Variants in APAF1 observed in about 807,000 individuals in gnomAD.
APAF1 encodes the protein apoptotic peptidase activating factor 1, also known as apoptotic protease-activating factor 1.
In APAF1, 91 loss-of-function variants were observed where a neutral mutation model predicts 152.4. The ratio of observed to expected loss-of-function variants is 0.60; its 90% CI spans 0.50 to 0.71. The LOEUF is 0.71. APAF1 is among the 30% of genes least tolerant of loss of function. The pLI, the probability that APAF1 is intolerant of heterozygous loss-of-function variation, is 0.00. For missense variants in APAF1, 1,283 were observed against 1,472.0 expected, an observed-to-expected ratio of 0.87 and a Z score of 2.10; for synonymous variants, 484 against 494.1, an observed-to-expected ratio of 0.98 and a Z score of 0.27.
intron 4 of APAF1, among the ~76,000 whole-genome samples, chr12:98,653,691 AATATATATATATAT>A (rs1346621120): frequency 9.3e-4 from 14 of 15,102 alleles, no homozygotes; most frequent in Admixed American, 3.2e-3. Context: ...AAAAAAAAAA[AATATATATATATAT>A]ATATATATAT....
intron 16 of APAF1, among the ~76,000 whole-genome samples, chr12:98,693,423 G>A (rs1033356960): frequency 6.6e-6 from 1 of 152,116 alleles, no homozygotes; most frequent in African/African-American, 2.4e-5. Context: ...ATTTTGATTA[G>A]AACAGTGTTC....
intron 22 of APAF1, among the ~76,000 whole-genome samples, chr12:98,722,906 T>G (rs2097744998): frequency 7.3e-6 from 1 of 137,170 alleles, no homozygotes; most frequent in Non-Finnish European, 1.5e-5. Context: ...ATATTGTGTG[T>G]TTTTTTTTTT....
intron 16 of APAF1, among the ~76,000 whole-genome samples, chr12:98,698,742 G>T (rs937581323): frequency 2.6e-5 from 4 of 152,174 alleles, no homozygotes; most frequent in African/African-American, 9.7e-5. Context: ...ACTCTGTGAG[G>T]CTGAGACACT....
intron 21 of APAF1, among the ~76,000 whole-genome samples, chr12:98,713,124 T>C (rs1175996454): frequency 1.3e-5 from 2 of 152,238 alleles, no homozygotes; most frequent in Admixed American, 6.5e-5. Context: ...CAGCCTATTG[T>C]ACACTTTTAT....
intron 4 of APAF1, among the ~76,000 whole-genome samples, chr12:98,654,977 C>T (rs2097654727): frequency 8.2e-6 from 1 of 122,064 alleles, no homozygotes; most frequent in Admixed American, 8.7e-5. Flanking sequence ...GACCCTGCGG[C>T]CTTCCGCAGT....
chr12:98,706,758 T>C lies in APAF1; in HGVS notation c.2721+148T>C, dbSNP rs2097721834. On this transcript the variant is annotated intron_variant, in intron 19 of 26. Coordinates refer to ENST00000551964, the MANE Select transcript of APAF1 (RefSeq NM_181861.2). ...TTCACCCTGGAAAAGTGCTGTTATA[T>C]GGACTGTAACAGTCTCATTCATTCG... The C allele has an allele frequency of 3.3e-6, 3 of 895,866 alleles. No individual in the cohort carries two copies. In the East Asian group the frequency reaches 7.6e-5, roughly 23 times the overall value. The allele number at this position is 895,866 out of a possible 1,614,324, so 55.5% of individuals were successfully genotyped here.
In APAF1 at chr12:98,648,400, A is replaced by G. The variant is rs1250804010; in HGVS notation, c.41A>G (p.Glu14Gly). 3 of 1,614,120 alleles carry G rather than the reference A, an allele frequency of 1.9e-6. No homozygotes were observed. The highest frequency in any genetic ancestry group is 2.5e-6 in the Non-Finnish European group (3 of 1,180,002). ...KARNCLLQHR[E>G]ALEKDIKTSY... The stretch of plus-strand genomic sequence containing the variant: ...CGAAATTGTTTGCTTCAACATAGAG[A>G]AGCTCTGGAAAAGGACATCAAGACA... The change falls in exon 2 of 27, where the codon GAA (glutamate) becomes GGA (glycine). Residue 14 changes from glutamate (E) to glycine (G), a missense_variant. Glu to Gly is a moderately conservative substitution (Grantham distance 98). Transcript: ENST00000551964.
intron 17 of APAF1, 46 bp downstream of exon 17, chr12:98,699,615 A>G (rs1390130010): frequency 1.2e-6 from 2 of 1,602,040 alleles, no homozygotes; most frequent in Admixed American, 1.7e-5. Context: ...AAAGAAAGTT[A>G]AAACTTCTGT....
intron 16 of APAF1, among the ~76,000 whole-genome samples, chr12:98,688,440 C>G (rs751307468): frequency 1.3e-5 from 2 of 150,888 alleles, no homozygotes; most frequent in Non-Finnish European, 2.9e-5. Flanking sequence ...TTCAGAGATA[C>G]TAGAATAACC....
chr12:98,694,033 C>T (rs1053243719), intron 16 of APAF1, among the ~76,000 whole-genome samples: 1 of 151,798 alleles, frequency 6.6e-6, no homozygotes, highest in African/African-American at 2.4e-5. Flanking sequence ...CGGGAGAGGA[C>T]TCTCTATTCA....
intron 9 of APAF1, 38 bp from the exon 10 acceptor site, chr12:98,667,475 A>G: frequency 6.2e-7 from 1 of 1,609,210 alleles, no homozygotes; most frequent in Non-Finnish European, 8.5e-7. Flanking sequence ...AGGTTATAAA[A>G]TTGTTTCTGG....
At chr12:98,663,408 C>G (rs2097668036) in intron 7 of APAF1, among the ~76,000 whole-genome samples, 1 of 152,052 alleles carries the variant, frequency 6.6e-6, no homozygotes, top group Non-Finnish European at 1.5e-5. Flanking sequence ...TATATAGAAT[C>G]TCGCTGTGTT....
At chr12:98,686,154 G>T (rs1271245249) in intron 15 of APAF1, among the ~76,000 whole-genome samples, 1 of 152,116 alleles carries the variant, frequency 6.6e-6, no homozygotes, top group Admixed American at 6.5e-5. Flanking sequence ...GTTGGAATCA[G>T]AATCCAAACA....
rs921966105 is a variant in APAF1 at position 98,688,799 on chromosome 12, ACTCTT to A, written c.2304+1932_2304+1936del. Among the ~76,000 whole-genome samples the A allele has an allele frequency of 1.3e-4, 18 of 142,664 alleles. No individual in the cohort carries two copies. In the East Asian group the frequency reaches 3.5e-3, roughly 28 times the overall value. The allele number at this position is 142,664 out of a possible 152,430, so 93.6% of individuals were successfully genotyped here. On this transcript the variant is annotated intron_variant, in intron 16 of 26. Transcript: ENST00000551964. ...TTTTTCTTTTCTTTTCTTTTTCTTTACTCTTCTCTTTTCTTTCTTTCTTTCTTTTT... is the reference window on the plus strand; with the variant it reads ...TTTTTCTTTTCTTTTCTTTTTCTTTACTCTTTTCTTTCTTTCTTTCTTTTT...
In APAF1 at chr12:98,735,402, AAAT is replaced by A; in HGVS notation, c.*2839_*2841del. ...ATATGAATTTAAAAAATTTTTGTAA[AAAT>A]AAAATTCACAAAATTGTTTTGAAAA... On this transcript the variant is annotated 3_prime_UTR_variant, in exon 27 of 27. Transcript: ENST00000551964. The A allele has an allele frequency of 2.3e-6, 1 of 426,934 alleles. No homozygotes were observed. The allele number at this position is 426,934 out of a possible 1,614,324, so 26.4% of individuals were successfully genotyped here. A position where few individuals can be genotyped will look rare whatever the true frequency, so the allele number is the denominator to read the frequency against.
chr12:98,712,970 A>G (rs2097729723), intron 21 of APAF1, among the ~76,000 whole-genome samples: 1 of 151,436 alleles, frequency 6.6e-6, no homozygotes, highest in South Asian at 2.1e-4. Flanking sequence ...GGTATGCACC[A>G]CCACACCTAG....
chr12:98,725,512 C>T lies in APAF1; in HGVS notation c.3428C>T (p.Ala1143Val). ...TTCTCTGTGGACAGTACCCTGCTGG[C>T]AACGGGAGATGACAATGGAGAAATC... is the stretch of plus-strand genomic sequence containing the variant. Reference protein sequence around the residue: ...SAFSVDSTLLATGDDNGEIRI... With the variant: ...SAFSVDSTLLVTGDDNGEIRI... Residue 1143 changes from alanine (A) to valine (V), a missense_variant, in exon 25 of 27, where the codon GCA (alanine) becomes GTA (valine). Transcript: ENST00000551964. 2 of 1,614,154 alleles carry T rather than the reference C, an allele frequency of 1.2e-6. No homozygotes were observed. Among genetic ancestry groups the T allele is most frequent in the East Asian group, 2.2e-5 (1 of 44,884 alleles).
chr12:98,665,798 G>A lies in APAF1; in HGVS notation c.1194+7G>A. The A allele has an allele frequency of 6.3e-7, 1 of 1,580,466 alleles. No homozygotes were observed. Among genetic ancestry groups the A allele is most frequent in the Non-Finnish European group, 8.7e-7 (1 of 1,149,544 alleles). ...CGTTAAGGTGCCTACAAAGGTAATGGGATCAATGATCCTCATCATTGGGTA... is the reference window on the plus strand; with the variant it reads ...CGTTAAGGTGCCTACAAAGGTAATGAGATCAATGATCCTCATCATTGGGTA... On this transcript the variant is annotated splice_region_variant and intron_variant, in intron 8 of 26. Coordinates refer to ENST00000551964, the MANE Select transcript of APAF1 (RefSeq NM_181861.2).
At chr12:98,682,052 G>GTTTTTTTTTTTT (rs923577593) in intron 14 of APAF1, among the ~76,000 whole-genome samples, 2 of 123,866 alleles carry the variant, frequency 1.6e-5, no homozygotes, top group African/African-American at 6.0e-5. Flanking sequence ...TAATTTTTTT[G>GTTTTTTTTTTTT]TTTTTTTTTT....
Sources: allele counts gnomAD v4.1 joint callset (sites outside exome capture counted in the v4.1 genomes callset), GRCh38; gene constraint gnomAD v4.1.1; transcripts MANE v1.5; gene names NCBI Gene and HGNC (gene_info 2026-07-23, HGNC 2026-07-21).